ATG4C: variants seen among roughly 807,000 people sequenced by gnomAD.
ATG4C encodes the protein cysteine protease ATG4C.
ATG4C carries 56 observed loss-of-function variants against 57.6 expected under a neutral mutation model. The ratio of observed to expected loss-of-function variants is 0.97; its 90% confidence interval spans 0.78 to 1.21. The LOEUF is 1.21. Ranked by LOEUF, ATG4C falls within the 50% of genes most tolerant of loss-of-function variation. The probability of loss-of-function intolerance (pLI) is 0.00; values close to 1 mark genes in which losing one functional copy is unlikely to be tolerated. For synonymous variants in ATG4C, 157 were observed against 174.1 expected, an observed-to-expected ratio of 0.90 and a Z score of 0.78; for missense variants, 595 against 529.8, an observed-to-expected ratio of 1.12 and a Z score of -1.21.
At chr1:62,863,567 CCTT>C (rs1039924457) in intron 10 of ATG4C, among the ~76,000 whole-genome samples, 41 of 151,942 alleles carry the variant, frequency 2.7e-4, no homozygotes, top group African/African-American at 9.4e-4. Context: ...TTAGAATGGA[CCTT>C]CTGACTCAGT....
intron 10 of ATG4C, among the ~76,000 whole-genome samples, chr1:62,855,130 G>A (rs1261126512): frequency 1.3e-5 from 2 of 152,104 alleles, no homozygotes; most frequent in Non-Finnish European, 2.9e-5. Flanking sequence ...GTTTTTATCA[G>A]TTTCCTTGTT....
At chr1:62,806,810 T>C (rs1238635976) in intron 3 of ATG4C, among the ~76,000 whole-genome samples, 1 of 152,124 alleles carries the variant, frequency 6.6e-6, no homozygotes, top group Non-Finnish European at 1.5e-5. Flanking sequence ...AAAGGTGAAA[T>C]TTGGCATCTG....
chr1:62,865,003 G>A lies in ATG4C; in HGVS notation c.*844G>A, dbSNP rs1299056133. 3 of 151,858 alleles carry A rather than the reference G, an allele frequency of 2.0e-5. No individual in the cohort carries two copies. Among genetic ancestry groups the A allele is most frequent in the African/African-American group, 7.2e-5 (3 of 41,428 alleles). The allele number at this position is 151,858 out of a possible 1,614,324, so 9.4% of individuals were successfully genotyped here. On this transcript the variant is annotated 3_prime_UTR_variant, in exon 11 of 11. Coordinates refer to ENST00000317868, the MANE Select transcript of ATG4C (RefSeq NM_032852.4). ...TGATTTTTGTTTTTTATATAAAGCA[G>A]TGTAGTGGTGTTTAGAAGCTGAGGC...
chr1:62,786,540 AAAAC>A (rs1331085728), intron 1 of ATG4C, among the ~76,000 whole-genome samples: 1 of 148,464 alleles, frequency 6.7e-6, no homozygotes, highest in Admixed American at 6.7e-5. Flanking sequence ...AAAAAAAAAA[AAAAC>A]AAGTGAAAAT....
chr1:62,799,886 G>A (rs75853568), intron 1 of ATG4C, among the ~76,000 whole-genome samples: 41 of 101,450 alleles, frequency 4.0e-4, no homozygotes, highest in African/African-American at 1.6e-3. Flanking sequence ...TTTTTTTTTT[G>A]TACCCATTAA....
chr1:62,836,492 C>G (rs1363541435), intron 9 of ATG4C, among the ~76,000 whole-genome samples: 1 of 151,802 alleles, frequency 6.6e-6, no homozygotes, highest in Admixed American at 6.6e-5. Flanking sequence ...CACTTGTTTT[C>G]CTATGAAAGT....
At chr1:62,844,946 C>T (rs375460913) in intron 10 of ATG4C, among the ~76,000 whole-genome samples, 3 of 152,026 alleles carry the variant, frequency 2.0e-5, no homozygotes, top group East Asian at 3.9e-4. Flanking sequence ...GTGGTCCATT[C>T]TGTAATACAC....
intron 2 of ATG4C, among the ~76,000 whole-genome samples, chr1:62,804,169 CT>C (rs1329194693): frequency 6.6e-6 from 1 of 151,638 alleles, no homozygotes; most frequent in African/African-American, 2.4e-5. Flanking sequence ...TCACTGCAAC[CT>C]CTGCCTCCCA....
intron 7 of ATG4C, among the ~76,000 whole-genome samples, chr1:62,833,219 G>A (rs1665896438): frequency 6.6e-6 from 1 of 152,036 alleles, no homozygotes; most frequent in Non-Finnish European, 1.5e-5. Flanking sequence ...TAATAGTTTT[G>A]GGATTTTATA....
intron 1 of ATG4C, among the ~76,000 whole-genome samples, chr1:62,786,875 G>A (rs1257216192): frequency 6.6e-6 from 1 of 152,162 alleles, no homozygotes; most frequent in African/African-American, 2.4e-5. Flanking sequence ...TGGGGATGGG[G>A]AGAGGCCAGT....
chr1:62,805,286 A>G (rs772000085), intron 3 of ATG4C, 31 bp downstream of exon 3: 2 of 1,477,256 alleles, frequency 1.4e-6, no homozygotes, highest in Non-Finnish European at 1.8e-6. Flanking sequence ...CCATTTAAAA[A>G]TTTTTGTAGA....
chr1:62,845,562 CA>C (rs1177633790), intron 10 of ATG4C, among the ~76,000 whole-genome samples: 1 of 151,992 alleles, frequency 6.6e-6, no homozygotes, highest in Admixed American at 6.6e-5. Flanking sequence ...TTAATATAGT[CA>C]AATTAATAAT....
intron 7 of ATG4C, among the ~76,000 whole-genome samples, chr1:62,830,332 AC>A (rs1338160071): frequency 6.6e-6 from 1 of 152,056 alleles, no homozygotes; most frequent in African/African-American, 2.4e-5. Context: ...GGGTTTTGAG[AC>A]TTCTGACATG....
intron 10 of ATG4C, among the ~76,000 whole-genome samples, chr1:62,857,811 T>C (rs1044370777): frequency 2.6e-5 from 4 of 152,244 alleles, no homozygotes; most frequent in Non-Finnish European, 5.9e-5. Context: ...CTTTCTTTTT[T>C]GCTAAAGAAT....
At chr1:62,836,933 A>G (rs781707037) in intron 9 of ATG4C, among the ~76,000 whole-genome samples, 2 of 152,120 alleles carry the variant, frequency 1.3e-5, no homozygotes, top group Non-Finnish European at 2.9e-5. Flanking sequence ...GAAGAGATTT[A>G]AACAGATTGC....
intron 10 of ATG4C, among the ~76,000 whole-genome samples, chr1:62,857,928 G>A (rs1353197021): frequency 2.6e-5 from 4 of 152,152 alleles, no homozygotes; most frequent in African/African-American, 9.7e-5. Flanking sequence ...GTGTGTGCTG[G>A]AAGTTTCTGG....
rs142925118 is a variant in ATG4C, at chr1:62,819,786, G to A, written c.725+451G>A. On this transcript the variant is annotated intron_variant, in intron 5 of 10. Coordinates refer to ENST00000317868, the MANE Select transcript of ATG4C (RefSeq NM_032852.4). ...CATCAAATTCTTGTGAATTGGAAAT[G>A]TATGGCACTATTAATATTATAATTA... Among the ~76,000 whole-genome samples the A allele has an allele frequency of 3.5e-3, 529 of 152,038 alleles. 2 individuals are homozygous for A. Among genetic ancestry groups the A allele is most frequent in the African/African-American group, 0.012 (490 of 41,510 alleles).
chr1:62,793,032 G>A (rs1022452705), intron 1 of ATG4C, among the ~76,000 whole-genome samples: 3 of 151,614 alleles, frequency 2.0e-5, no homozygotes, highest in Non-Finnish European at 4.4e-5. Flanking sequence ...GACTACAGGC[G>A]CCTGCCACCA....
chr1:62,830,700 AT>A (rs1318135679), intron 7 of ATG4C, among the ~76,000 whole-genome samples: 4 of 151,982 alleles, frequency 2.6e-5, no homozygotes, highest in African/African-American at 9.7e-5. Flanking sequence ...AGGTTTATTT[AT>A]TTATATTTTT....
Sources: allele counts gnomAD v4.1 joint callset (sites outside exome capture counted in the v4.1 genomes callset), GRCh38; gene constraint gnomAD v4.1.1; transcripts MANE v1.5; gene names NCBI Gene and HGNC (gene_info 2026-07-23, HGNC 2026-07-21).